Variants in CUL9 observed in about 807,000 individuals in gnomAD.
CUL9 encodes cullin 9, also known as cullin-9.
Under a neutral mutation model 272.6 loss-of-function variants are expected in CUL9, and 79 were observed. That is an observed-to-expected ratio of 0.29 (90% CI 0.24 to 0.35). CUL9 has a LOEUF of 0.35. CUL9 is among the 10% of genes least tolerant of loss of function. CUL9 has a pLI of 1.00. For synonymous variants in CUL9, 1,186 were observed against 1,286.5 expected, an observed-to-expected ratio of 0.92 and a Z score of 1.67; for missense variants, 2,532 against 3,255.6, an observed-to-expected ratio of 0.78 and a Z score of 5.41.
chr6:43,187,085 GT>G lies in CUL9; in HGVS notation c.1379del (p.Leu460TrpfsTer35). The G allele has an allele frequency of 6.2e-7, 1 of 1,614,010 alleles. No homozygotes were observed. The highest frequency in any genetic ancestry group is 1.3e-5 in the African/African-American group (1 of 75,032). On this transcript the variant is annotated frameshift_variant, in exon 5 of 41. Transcript: ENST00000252050. LOFTEE classifies it high-confidence loss of function. Reference protein sequence around the residue: ...AVEKGAGATVLGTAFPSWDWN... With the variant: ...AVEKGAGATVXGTAFPSWDWN... ...TGGAGAAGGGGGCAGGGGCTACTGT[GT>G]TGGGCACAGGTGAGCCTAAGAGGGG...
chr6:43,184,839 A>C lies in CUL9; in HGVS notation c.529A>C (p.Asn177His). ...GGACCTGCTCATGCACATGTTATGC[A>C]ATCCTGAGCCTCAGATCCGCCGGAG... is the stretch of plus-strand genomic sequence containing the variant. ...ALDLLMHMLC[N>H]PEPQIRRSAG... Residue 177 changes from asparagine to histidine, a missense_variant, in exon 2 of 41, where the codon AAT becomes CAT. Physicochemically the swap from Asn to His is moderately conservative, Grantham distance 68. This residue lies in a region of CUL9 where 2,218 missense variants were observed against 2,788.6 expected (regional missense o/e 0.80). Transcript: ENST00000252050. This position sits in a 1 kb window ranked among gnomAD's most constrained non-coding sequence, Gnocchi z 4.8. The C allele has an allele frequency of 6.2e-7, 1 of 1,611,000 alleles. No homozygotes were observed. The highest frequency in any genetic ancestry group is 8.5e-7 in the Non-Finnish European group (1 of 1,179,808).
In CUL9 at chr6:43,206,405, C is replaced by T. The variant is rs199801229; in HGVS notation, c.5107C>T (p.Arg1703Cys). 6.2e-6 allele frequency: 10 copies of T among 1,614,172 alleles called. No individual in the cohort carries two copies. The highest frequency in any genetic ancestry group is 2.2e-5 in the East Asian group (1 of 44,886). ...CATTTCTATACTGGTCCTGTCACCA[C>T]GCTGCTGGCCCGTCTCCCCACTCTG... is the stretch of plus-strand genomic sequence containing the variant. Reference protein sequence around the residue: ...PAISILVLSPRCWPVSPLCYL... With the variant: ...PAISILVLSPCCWPVSPLCYL... Residue 1703 changes from arginine to cysteine, a missense_variant, in exon 26 of 41, where the codon CGC becomes TGC. Arg to Cys is a radical substitution (Grantham distance 180). Around this residue, in one of 3 missense-constraint regions of CUL9, gnomAD observed 2,218 missense variants for 2,788.6 expected, o/e 0.80. Coordinates refer to ENST00000252050, the MANE Select transcript of CUL9 (RefSeq NM_015089.4). This position sits in a 1 kb window ranked among gnomAD's most constrained non-coding sequence, Gnocchi z 4.8.
intron 31 of CUL9, among the ~76,000 whole-genome samples, chr6:43,217,554 C>G (rs549148382): frequency 1.3e-5 from 2 of 152,176 alleles, no homozygotes; most frequent in African/African-American, 2.4e-5. Context: ...GAGGGGCACT[C>G]CTGGTTGCCA....
intron 11 of CUL9, among the ~76,000 whole-genome samples, chr6:43,197,523 G>A (rs1053851495): frequency 1.3e-5 from 2 of 150,790 alleles, no homozygotes; most frequent in East Asian, 2.0e-4. Context: ...TCACTCTGTC[G>A]CCCAGGCTGG....
rs1332982800 is a variant in CUL9, at chr6:43,206,660, A to AT, written c.5212+150_5212+151insT. ...AGAAAGCATGGGTTGTAGTTTCATT[A>AT]ATTTCTGCTCTCATCAGTTTCTTCA... On this transcript the variant is annotated intron_variant, in intron 26 of 40. Coordinates refer to ENST00000252050, the MANE Select transcript of CUL9 (RefSeq NM_015089.4). The surrounding 1 kb of genome is among the most constrained non-coding windows in gnomAD (Gnocchi z 4.8). 2 of 657,330 alleles carry AT rather than the reference A, an allele frequency of 3.0e-6. No individual in the cohort carries two copies. Among genetic ancestry groups the AT allele is most frequent in the African/African-American group, 3.6e-5 (2 of 54,884 alleles). The allele number at this position is 657,330 out of a possible 1,614,324, so 40.7% of individuals were successfully genotyped here.
chr6:43,183,216 A>G (rs1221057785), intron 1 of CUL9, among the ~76,000 whole-genome samples: 1 of 152,200 alleles, frequency 6.6e-6, no homozygotes, highest in African/African-American at 2.4e-5. Flanking sequence ...CTTTAACCCC[A>G]TGATTACCAC....
chr6:43,221,144 C>T lies in CUL9; in HGVS notation c.6589-14C>T. The T allele has an allele frequency of 6.2e-7, 1 of 1,609,080 alleles. No homozygotes were observed. The highest frequency in any genetic ancestry group is 8.5e-7 in the Non-Finnish European group (1 of 1,179,166). On this transcript the variant is annotated splice_polypyrimidine_tract_variant and intron_variant, in intron 33 of 40. Coordinates refer to ENST00000252050, the MANE Select transcript of CUL9 (RefSeq NM_015089.4). The surrounding 1 kb of genome is among the most constrained non-coding windows in gnomAD (Gnocchi z 4.2). Reference sequence around the variant, plus strand: ...ACGGCTCAGCTGTGTCCCCACCATGCCCTCTTGCCTTAGGCACACTACCCT... The same window carrying T: ...ACGGCTCAGCTGTGTCCCCACCATGTCCTCTTGCCTTAGGCACACTACCCT...
intron 8 of CUL9, among the ~76,000 whole-genome samples, chr6:43,191,507 C>CTTTTTTTTTTTTTTTTTTTTTTTTT (rs1554167922): frequency 1.4e-3 from 104 of 73,112 alleles, no homozygotes; most frequent in African/African-American, 2.3e-3. Context: ...TTTTTTTTTA[C>CTTTTTTTTTTTTTTTTTTTTTTTTT]TTTTTGTAGA....
Position 43,188,511 on chromosome 6 carries a change from C to A in CUL9, c.1988-12C>A, listed in dbSNP as rs1320299771. ...AGTTCTTTTAGCCATTGCCTTTTCC[C>A]ACCAATTTCAGAAATGGCCAGAGCC... On this transcript the variant is annotated splice_polypyrimidine_tract_variant and intron_variant, in intron 7 of 40. Transcript: ENST00000252050. 1 of 1,576,872 alleles carries A rather than the reference C, an allele frequency of 6.3e-7. No homozygotes were observed. The highest frequency in any genetic ancestry group is 8.6e-7 in the Non-Finnish European group (1 of 1,162,090).
At position 43,209,655 on chromosome 6, in the gene CUL9, C is replaced by CT. The variant is rs938408156; in HGVS notation, c.5212+3153dup. ...TACGGTCCTTTTCTTTTCTTTCTTT[C>CT]TTTTTTTTGAGACAGAGCCTTGCAC... On this transcript the variant is annotated intron_variant, in intron 26 of 40. Transcript: ENST00000252050. 1.8e-3 allele frequency among the ~76,000 whole-genome samples: 273 copies of CT among 151,370 alleles called. 2 individuals are homozygous for CT. The highest frequency in any genetic ancestry group is 6.2e-3 in the African/African-American group (255 of 41,246).
In CUL9 at chr6:43,213,570, AGGTCATTGGG is replaced by A; in HGVS notation, c.5488+6_5488+15del. ...GGGCCAGGACTTTCCACACGGGGGT[AGGTCATTGGG>A]GGCCGGGCTGAGCCTCTGCTGCTGG... On this transcript the variant is annotated splice_donor_5th_base_variant and intron_variant, in intron 28 of 40. Coordinates refer to ENST00000252050, the MANE Select transcript of CUL9 (RefSeq NM_015089.4). This position sits in a 1 kb window ranked among gnomAD's most constrained non-coding sequence, Gnocchi z 5.7. 1 of 1,584,830 alleles carries A rather than the reference AGGTCATTGGG, an allele frequency of 6.3e-7. No homozygotes were observed. The highest frequency in any genetic ancestry group is 8.6e-7 in the Non-Finnish European group (1 of 1,168,154).
chr6:43,206,841 G>T lies in CUL9; in HGVS notation c.5212+331G>T, dbSNP rs1010118924. Among the ~76,000 whole-genome samples the T allele has an allele frequency of 2.6e-5, 4 of 151,958 alleles. No homozygotes were observed. Among genetic ancestry groups the T allele is most frequent in the Admixed American group, 6.6e-5 (1 of 15,240 alleles). On this transcript the variant is annotated intron_variant, in intron 26 of 40. Transcript: ENST00000252050. The surrounding 1 kb of genome is among the most constrained non-coding windows in gnomAD (Gnocchi z 4.8). ...AGTGGCATCCTATAAAGTTTTAAAA[G>T]ATTTTTTTTCTTTATTTTTTTGACA...
Position 43,221,178 on chromosome 6 carries a change from T to C in CUL9, c.6609T>C (p.Cys2203=). ...SFPEAHYPAS[C]GHMSQWVDDG... is the part of the protein sequence containing the mutation. ...CTTAGGCACACTACCCTGCTAGCTG[T>C]GGCCATATGTCTCAGTGGGTCGACG... The change falls in exon 34 of 41, where the codon TGT becomes TGC. Residue 2203 remains cysteine (C), a synonymous_variant. Coordinates refer to ENST00000252050, the MANE Select transcript of CUL9 (RefSeq NM_015089.4). This position sits in a 1 kb window ranked among gnomAD's most constrained non-coding sequence, Gnocchi z 4.2. 1 of 1,611,446 alleles carries C rather than the reference T, an allele frequency of 6.2e-7. No homozygotes were observed. Among genetic ancestry groups the C allele is most frequent in the Non-Finnish European group, 8.5e-7 (1 of 1,179,918 alleles).
rs534882851 is a variant in CUL9 at position 43,184,801 on chromosome 6, A to T, written c.491A>T (p.Glu164Val). The T allele has an allele frequency of 1.9e-6, 3 of 1,613,936 alleles. No individual in the cohort carries two copies. Among genetic ancestry groups the T allele is most frequent in the African/African-American group, 2.7e-5 (2 of 75,054 alleles). ...GGGCCCCTCACTGGTGTCTTCAGGGAGACAGGAGCCCTGGACCTGCTCATG... is the reference window on the plus strand; with the variant it reads ...GGGCCCCTCACTGGTGTCTTCAGGGTGACAGGAGCCCTGGACCTGCTCATG... ...SIGPLTGVFR[E>V]TGALDLLMHM... Residue 164 changes from glutamate to valine, a missense_variant, in exon 2 of 41, where the codon GAG becomes GTG. Glu to Val is a moderately radical substitution (Grantham distance 121). Transcript: ENST00000252050. This position sits in a 1 kb window ranked among gnomAD's most constrained non-coding sequence, Gnocchi z 4.8.
chr6:43,188,709 C>T lies in CUL9; in HGVS notation c.2174C>T (p.Ser725Leu), dbSNP rs79064744. 1.4e-5 allele frequency: 22 copies of T among 1,607,768 alleles called. No homozygotes were observed. In the East Asian group the frequency reaches 2.9e-4, roughly 21 times the overall value. The change falls in exon 8 of 41, where the codon TCG becomes TTG. Residue 725 changes from serine (S) to leucine (L), a missense_variant. Ser to Leu is a moderately radical substitution (Grantham distance 145). Coordinates refer to ENST00000252050, the MANE Select transcript of CUL9 (RefSeq NM_015089.4). ...CACCCTCTGGTCCGTCCTGACAGAT[C>T]GCTGAGGTTAGCATACTGGGGAGGG... ...RDHPLVRPDR[S>L]LREKLVKMLV...
In CUL9 at chr6:43,200,021, C is replaced by T; in HGVS notation, c.3249C>T (p.Ile1083=). ...VVLCCLGAKE[I]LSKVLDKHSA... is the part of the protein sequence containing the mutation. ...TCTGCTGCCTGGGAGCAAAAGAGATCCTCTCCAAAGTCCTGGACAAGCACT... is the reference window on the plus strand; with the variant it reads ...TCTGCTGCCTGGGAGCAAAAGAGATTCTCTCCAAAGTCCTGGACAAGCACT... The change falls in exon 14 of 41, where the codon ATC becomes ATT. Residue 1083 remains isoleucine (I), a synonymous_variant. Transcript: ENST00000252050. The surrounding 1 kb of genome is among the most constrained non-coding windows in gnomAD (Gnocchi z 4.0). 1 of 1,614,208 alleles carries T rather than the reference C, an allele frequency of 6.2e-7. No individual in the cohort carries two copies. The highest frequency in any genetic ancestry group is 8.5e-7 in the Non-Finnish European group (1 of 1,180,038).
chr6:43,185,348 C>T, intron 2 of CUL9, 108 bp from the exon 3 acceptor site: 1 of 1,107,390 alleles, frequency 9.0e-7, no homozygotes, highest in African/African-American at 1.6e-5. Flanking sequence ...TTCTGTGAGC[C>T]TTAGTAACAA....
At chr6:43,222,727 G>T in intron 37 of CUL9, 52 bp from the exon 38 acceptor site, 2 of 1,607,122 alleles carry the variant, frequency 1.2e-6, no homozygotes, top group Middle Eastern at 1.7e-4. Flanking sequence ...ACTTGCCTGG[G>T]TGAAGGGAAT....
rs1328394313 is a variant in CUL9, at chr6:43,223,052, C to T, written c.7150+156C>T. Reference sequence around the variant, plus strand: ...TTCTCACTGCCTGGCTGTTAAAGCTCAGGTCGAAAGCCTACATTGTAAGGT... The same window carrying T: ...TTCTCACTGCCTGGCTGTTAAAGCTTAGGTCGAAAGCCTACATTGTAAGGT... On this transcript the variant is annotated intron_variant, in intron 38 of 40. Transcript: ENST00000252050. The surrounding 1 kb of genome is among the most constrained non-coding windows in gnomAD (Gnocchi z 4.1). 1 of 896,794 alleles carries T rather than the reference C, an allele frequency of 1.1e-6. No homozygotes were observed. Among genetic ancestry groups the T allele is most frequent in the Non-Finnish European group, 1.7e-6 (1 of 587,170 alleles). 55.6% of individuals were successfully genotyped at this position (896,794 alleles called of 1,614,324 possible).
Sources: allele counts gnomAD v4.1 joint callset (sites outside exome capture counted in the v4.1 genomes callset), GRCh38; gene constraint gnomAD v4.1.1; regional missense constraint gnomAD v4.1.1; non-coding constraint Gnocchi (gnomAD v3.1); transcripts MANE v1.5; gene names NCBI Gene and HGNC (gene_info 2026-07-23, HGNC 2026-07-21).